The following PHF20 variants were observed in gnomAD, a reference collection of about 807,000 sequenced individuals.
PHF20 encodes glioma-expressed antigen 2.
A neutral mutation model predicts 113.5 loss-of-function variants in PHF20; 23 were observed. The ratio of observed to expected loss-of-function variants is 0.20; its 90% CI spans 0.15 to 0.29. The LOEUF (loss-of-function observed/expected upper bound fraction) is 0.29. PHF20 is among the 10% of genes least tolerant of loss of function. PHF20 has a pLI of 1.00. For missense variants in PHF20, 943 were observed against 1,219.6 expected (o/e 0.77, Z 3.38); for synonymous variants, 434 against 457.3 (o/e 0.95, Z 0.65).
Position 35,899,457 on chromosome 20 carries a change from T to G in PHF20, c.1370T>G (p.Val457Gly), listed in dbSNP as rs1434009997. The part of the protein sequence containing the change: ...DLDHKFRCKV[V>G]DCLKFFRKAK... Reference sequence around the variant, plus strand: ...GACCATAAGTTTAGATGCAAAGTTGTGGACTGTTTAAAATTTTTCCGCAAA... The same window carrying G: ...GACCATAAGTTTAGATGCAAAGTTGGGGACTGTTTAAAATTTTTCCGCAAA... Residue 457 changes from valine to glycine, a missense_variant, in exon 10 of 18, where the codon GTG becomes GGG. Coordinates refer to ENST00000374012, the MANE Select transcript of PHF20 (RefSeq NM_016436.5). 1 of 1,614,062 alleles carries G rather than the reference T, an allele frequency of 6.2e-7. No homozygotes were observed. The highest frequency in any genetic ancestry group is 8.5e-7 in the Non-Finnish European group (1 of 1,180,010).
At chr20:35,804,683 T>A (rs2041848645) in intron 2 of PHF20, among the ~76,000 whole-genome samples, 1 of 151,926 alleles carries the variant, frequency 6.6e-6, no homozygotes, top group African/African-American at 2.4e-5. Flanking sequence ...GTTTATTTAT[T>A]TATTATTTTT....
chr20:35,899,264 C>G, intron 9 of PHF20, 106 bp from the exon 10 acceptor site: 1 of 905,256 alleles, frequency 1.1e-6, no homozygotes, highest in Non-Finnish European at 1.7e-6. Flanking sequence ...TCTCAGGCTA[C>G]ATTTGCACGC....
chr20:35,845,928 A>G (rs142684700), intron 3 of PHF20, among the ~76,000 whole-genome samples: 409 of 151,748 alleles, frequency 2.7e-3, no homozygotes, highest in African/African-American at 9.2e-3. Flanking sequence ...GACGCATCCA[A>G]CCACACCTGG....
intron 7 of PHF20, among the ~76,000 whole-genome samples, chr20:35,870,571 A>T (rs571055819): frequency 3.3e-5 from 5 of 152,164 alleles, no homozygotes. Context: ...AAATAAATTT[A>T]AAATAAAATA....
intron 2 of PHF20, among the ~76,000 whole-genome samples, chr20:35,834,280 T>C (rs2042402700): frequency 6.8e-6 from 1 of 147,970 alleles, no homozygotes; most frequent in Non-Finnish European, 1.5e-5. Flanking sequence ...GAGACGGAGT[T>C]TCGCTCTTGT....
At chr20:35,823,719 A>G (rs1420916403) in intron 2 of PHF20, among the ~76,000 whole-genome samples, 1 of 150,962 alleles carries the variant, frequency 6.6e-6, no homozygotes, top group East Asian at 1.9e-4. Context: ...CCTCATGTCC[A>G]TTTGTAATCA....
At chr20:35,881,655 C>A (rs1341038440) in intron 9 of PHF20, among the ~76,000 whole-genome samples, 1 of 152,052 alleles carries the variant, frequency 6.6e-6, no homozygotes, top group Admixed American at 6.6e-5. Flanking sequence ...CAGACTTTAT[C>A]AGTTTTTGCC....
rs149080277 is a variant in PHF20 at position 35,792,731 on chromosome 20, G to T, written c.-32-8760G>T. 4.2e-4 allele frequency among the ~76,000 whole-genome samples: 64 copies of T among 152,068 alleles called. 3 individuals are homozygous for T. The East Asian group carries it at 0.012, about 29-fold the overall frequency. On this transcript the variant is annotated intron_variant, in intron 1 of 17. Transcript: ENST00000374012. ...CTGTTTGTTAATTTTTAATAATATT[G>T]ACTATAATTCTTTGTGTCTGATGTC...
chr20:35,937,339 A>G (rs2055883861), intron 15 of PHF20, among the ~76,000 whole-genome samples: 1 of 151,938 alleles, frequency 6.6e-6, no homozygotes, highest in Admixed American at 6.6e-5. Context: ...ATGGTGACGC[A>G]TGCCTGTAAT....
At chr20:35,844,960 A>G (rs73902914) in intron 3 of PHF20, among the ~76,000 whole-genome samples, 16,595 of 152,212 alleles carry the variant, frequency 0.11, 939 homozygotes, top group South Asian at 0.16. Flanking sequence ...AGCCACTGCC[A>G]TATGATACAC....
chr20:35,886,936 C>T (rs773007181), intron 9 of PHF20, among the ~76,000 whole-genome samples: 16 of 152,062 alleles, frequency 1.1e-4, no homozygotes, highest in Non-Finnish European at 2.1e-4. Context: ...ATGGGAGGTG[C>T]GTTTGGAAGC....
chr20:35,808,429 A>C (rs553210998), intron 2 of PHF20, among the ~76,000 whole-genome samples: 69 of 151,566 alleles, frequency 4.6e-4, no homozygotes, highest in Admixed American at 1.1e-3. Context: ...AGATGTGTTT[A>C]GTCAGATTAA....
intron 1 of PHF20, among the ~76,000 whole-genome samples, chr20:35,786,387 C>G (rs2041416420): frequency 6.6e-6 from 1 of 150,492 alleles, no homozygotes; most frequent in African/African-American, 2.5e-5. Context: ...GCGACTCCGT[C>G]TCAATAAATA....
intron 17 of PHF20, among the ~76,000 whole-genome samples, chr20:35,942,197 G>A (rs1406372604): frequency 2.0e-5 from 3 of 152,154 alleles, no homozygotes; most frequent in African/African-American, 7.2e-5. Context: ...GAGCCCAGGA[G>A]TTGGAGGCTG....
chr20:35,915,863 A>G (rs548495317), intron 12 of PHF20, among the ~76,000 whole-genome samples: 1 of 152,158 alleles, frequency 6.6e-6, no homozygotes, highest in East Asian at 1.9e-4. Flanking sequence ...AGCTGGGTGC[A>G]ATGTCCCACA....
intron 9 of PHF20, among the ~76,000 whole-genome samples, chr20:35,888,770 T>A (rs73902929): frequency 1.3e-3 from 203 of 151,422 alleles, no homozygotes; most frequent in African/African-American, 4.4e-3. Flanking sequence ...TTTTTTTTTT[T>A]AATTAATAAT....
chr20:35,809,993 G>C (rs944928215), intron 2 of PHF20, among the ~76,000 whole-genome samples: 3 of 151,966 alleles, frequency 2.0e-5, no homozygotes, highest in Non-Finnish European at 2.9e-5. Context: ...GCAGTGGCGC[G>C]ATCTCAGCTC....
chr20:35,815,391 A>G (rs193272435), intron 2 of PHF20, among the ~76,000 whole-genome samples: 7 of 152,198 alleles, frequency 4.6e-5, no homozygotes, highest in African/African-American at 1.7e-4. Flanking sequence ...CAGCCTGGCC[A>G]TTATGACGAA....
chr20:35,828,122 C>T (rs751068150), intron 2 of PHF20, among the ~76,000 whole-genome samples: 7 of 152,172 alleles, frequency 4.6e-5, no homozygotes, highest in Non-Finnish European at 8.8e-5. Flanking sequence ...CTCCTGGGTT[C>T]AAGCAATTCT....
Sources: gnomAD v4.1 joint callset for allele counts (sites outside exome capture counted in the v4.1 genomes callset) on GRCh38, gnomAD v4.1.1 for gene constraint, MANE v1.5 for transcripts, NCBI Gene and HGNC (gene_info 2026-07-23, HGNC 2026-07-21) for gene names.